Variants in WRN observed in about 807,000 individuals in gnomAD.
The protein encoded by WRN is WRN RecQ like helicase, also known as bifunctional 3'-5' exonuclease/ATP-dependent helicase WRN.
Under a neutral mutation model 180.7 loss-of-function variants are expected in WRN, and 149 were observed. The ratio of observed to expected loss-of-function variants is 0.82; its 90% CI spans 0.72 to 0.94. The LOEUF is 0.94. Ranked by LOEUF, WRN falls within the 40% of genes least tolerant of loss-of-function variation. WRN has a pLI of 0.00. For synonymous variants in WRN, 548 were observed against 568.9 expected (o/e 0.96, Z 0.52); for missense variants, 1,661 against 1,700.1 (o/e 0.98, Z 0.40).
intron 19 of WRN, among the ~76,000 whole-genome samples, chr8:31,115,495 A>G (rs1479226248): frequency 6.6e-6 from 1 of 152,216 alleles, no homozygotes; most frequent in Non-Finnish European, 1.5e-5. Flanking sequence ...ACTTTTTACT[A>G]TTATAATGTT....
Position 31,118,262 on chromosome 8 carries a change from T to C in WRN, c.2448+1734T>C, listed in dbSNP as rs184689786. On this transcript the variant is annotated intron_variant, in intron 20 of 34. Coordinates refer to ENST00000298139, the MANE Select transcript of WRN (RefSeq NM_000553.6). ...TATATGCATGTATGTGTTGCGGTAT[T>C]CTCCCTTGCTGTGGCAGGATGTCAC... Among the ~76,000 whole-genome samples the C allele has an allele frequency of 4.9e-3, 744 of 152,210 alleles. 9 individuals carry two copies. The highest frequency in any genetic ancestry group is 2.4e-3 in the Non-Finnish European group (165 of 67,974).
rs2130118753 is a variant in WRN, at chr8:31,081,023, A to G, written c.996A>G (p.Gln332=). ...CTACTGGGGGAGTACAACAGAAACA[A>G]ATTAGAGAACATGAAGTTTTAATTC... ...DSTTGGVQQK[Q]IREHEVLIHV... The change falls in exon 9 of 35, where the codon CAA becomes CAG. Residue 332 remains glutamine, a synonymous_variant. Coordinates refer to ENST00000298139, the MANE Select transcript of WRN (RefSeq NM_000553.6). 2 of 1,614,072 alleles carry G rather than the reference A, an allele frequency of 1.2e-6. No individual in the cohort carries two copies. The highest frequency in any genetic ancestry group is 2.2e-5 in the East Asian group (1 of 44,832).
chr8:31,076,356 A>G (rs1210484065), intron 8 of WRN, 69 bp downstream of exon 8: 6 of 1,304,578 alleles, frequency 4.6e-6, no homozygotes, highest in Admixed American at 3.8e-5. Context: ...ATTTTCCTAT[A>G]TGTGAAGAAT....
At chr8:31,155,561 G>A (rs910037072) in intron 32 of WRN, among the ~76,000 whole-genome samples, 4 of 149,944 alleles carry the variant, frequency 2.7e-5, no homozygotes, top group Admixed American at 6.7e-5. Flanking sequence ...GGCAGAGGTT[G>A]CAGTGAGCTG....
Position 31,111,749 on chromosome 8 carries a change from A to G in WRN, c.2223A>G (p.Arg741=), listed in dbSNP as rs1382655770. The G allele has an allele frequency of 2.5e-6, 4 of 1,613,998 alleles. No homozygotes were observed. The highest frequency in any genetic ancestry group is 2.7e-5 in the African/African-American group (2 of 74,924). ...DRPNLYLEVR[R]KTGNILQDLQ... ...CAAACCTGTATTTAGAAGTTAGGCGAAAAACAGGGAATATCCTTCAGGATC... is the reference window on the plus strand; with the variant it reads ...CAAACCTGTATTTAGAAGTTAGGCGGAAAACAGGGAATATCCTTCAGGATC... Residue 741 remains arginine, a synonymous_variant, in exon 19 of 35, where the codon CGA becomes CGG. Transcript: ENST00000298139.
intron 34 of WRN, among the ~76,000 whole-genome samples, chr8:31,171,989 G>A (rs1435761649): frequency 6.6e-6 from 1 of 152,108 alleles, no homozygotes; most frequent in Admixed American, 6.5e-5. Flanking sequence ...GTGTACTCAT[G>A]ATGGAATGAT....
chr8:31,141,381 A>G lies in WRN; in HGVS notation c.2968-49A>G, dbSNP rs3087427. On this transcript the variant is annotated intron_variant, in intron 24 of 34. Coordinates refer to ENST00000298139, the MANE Select transcript of WRN (RefSeq NM_000553.6). ...GACAAGTCTGTGTTTTACTTAACCT[A>G]TATGTTTAAATTAGCATTTTTAGAT... The G allele has an allele frequency of 4.5e-4, 730 of 1,605,448 alleles. 3 individuals carry two copies. In the African/African-American group the frequency reaches 8.3e-3, roughly 18 times the overall value.
chr8:31,173,156 A>G lies in WRN; in HGVS notation c.*54A>G. 21 of 1,511,492 alleles carry G rather than the reference A, an allele frequency of 1.4e-5. 1 individual carries two copies. In the South Asian group the frequency reaches 2.4e-4, roughly 17 times the overall value. The allele number at this position is 1,511,492 out of a possible 1,614,324, so 93.6% of individuals were successfully genotyped here. A position where few individuals can be genotyped will look rare whatever the true frequency, so the allele number is the denominator to read the frequency against. On this transcript the variant is annotated 3_prime_UTR_variant, in exon 35 of 35. Coordinates refer to ENST00000298139, the MANE Select transcript of WRN (RefSeq NM_000553.6). ...CTTGCTGTATTATAAGAGGATAGCT[A>G]TATTTTATTTCTGAAGAGTAAGGAG...
chr8:31,077,021 CA>C (rs1432807924), intron 8 of WRN, among the ~76,000 whole-genome samples: 2 of 151,818 alleles, frequency 1.3e-5, no homozygotes, highest in Non-Finnish European at 2.9e-5. Flanking sequence ...AATTTTGGGC[CA>C]AAAAATACTT....
rs11574319 is a variant in WRN, at chr8:31,123,790, C to G, written c.2631-732C>G. Reference sequence around the variant, plus strand: ...GCAAAGCTATTTGGGAGATTGTCATCATCTGATATTTGATATTCATGGGCT... The same window carrying G: ...GCAAAGCTATTTGGGAGATTGTCATGATCTGATATTTGATATTCATGGGCT... On this transcript the variant is annotated intron_variant, in intron 21 of 34. Transcript: ENST00000298139. Among the ~76,000 whole-genome samples the G allele has an allele frequency of 2.3e-3, 355 of 152,160 alleles. 3 individuals carry two copies. The highest frequency in any genetic ancestry group is 3.6e-3 in the Non-Finnish European group (243 of 67,968).
chr8:31,080,748 T>C (rs1210231772), intron 8 of WRN, 119 bp from the exon 9 acceptor site: 2 of 817,244 alleles, frequency 2.4e-6, no homozygotes, highest in African/African-American at 1.7e-5. Flanking sequence ...GCCTTAATAC[T>C]ATTGATCTTT....
rs954022892 is a variant in WRN, at chr8:31,059,158, T to C, written c.102T>C (p.Cys34=). Residue 34 remains cysteine (C), a synonymous_variant, in exon 3 of 35, where the codon TGT becomes TGC. Coordinates refer to ENST00000298139, the MANE Select transcript of WRN (RefSeq NM_000553.6). ...TGAAATTTACTAAACTCAAGGCATG[T>C]GTTCGGAAGAGTGTTTTTGAAGATG... ...KRCAVEERKA[C]VRKSVFEDDL... 6.2e-7 allele frequency: 1 copy of C among 1,613,164 alleles called. No individual in the cohort carries two copies. Among genetic ancestry groups the C allele is most frequent in the Non-Finnish European group, 8.5e-7 (1 of 1,179,212 alleles).
chr8:31,136,881 C>A (rs571728362), intron 24 of WRN, among the ~76,000 whole-genome samples: 11 of 150,046 alleles, frequency 7.3e-5, no homozygotes, highest in Admixed American at 2.0e-4. Context: ...ATGCCCAAAT[C>A]CGTAAGCTAT....
rs1213882065 is a variant in WRN, at chr8:31,160,874, C to T, written c.3982+3344C>T. 2.0e-5 allele frequency among the ~76,000 whole-genome samples: 3 copies of T among 151,994 alleles called. No individual in the cohort carries two copies. In the East Asian group the frequency reaches 5.8e-4, roughly 29 times the overall value. ...TGGCACACACCTGTAATCCCAGCTA[C>T]TTGGGAGGCTGAGGCAGGAGAATTG... On this transcript the variant is annotated intron_variant, in intron 33 of 34. Transcript: ENST00000298139.
Position 31,173,086 on chromosome 8 carries a change from GAGGTCTTTT to G in WRN, c.4284_4292del (p.Gly1429_Phe1431del). 6.2e-7 allele frequency: 1 copy of G among 1,613,914 alleles called. No homozygotes were observed. The highest frequency in any genetic ancestry group is 8.5e-7 in the Non-Finnish European group (1 of 1,179,886). ...AAATTAATGGACAAAACGAAAAGGGGAGGTCTTTTTAGTTAAGCTGGCAATTACCAGAAC... is the reference window on the plus strand; with the variant it reads ...AAATTAATGGACAAAACGAAAAGGGGTAGTTAAGCTGGCAATTACCAGAAC... On this transcript the variant is annotated inframe_deletion, in exon 35 of 35. Coordinates refer to ENST00000298139, the MANE Select transcript of WRN (RefSeq NM_000553.6).
At chr8:31,038,959 C>G (rs936456960) in intron 1 of WRN, among the ~76,000 whole-genome samples, 10 of 152,164 alleles carry the variant, frequency 6.6e-5, no homozygotes, top group African/African-American at 2.2e-4. Flanking sequence ...GCCTGTACCA[C>G]ACTGTTTTGA....
chr8:31,139,985 A>C (rs1802545400), intron 24 of WRN, among the ~76,000 whole-genome samples: 1 of 113,094 alleles, frequency 8.8e-6, no homozygotes, highest in African/African-American at 3.3e-5. Flanking sequence ...ATAAAGCTCT[A>C]TGTTTGTATA....
At chr8:31,078,019 A>G (rs986913769) in intron 8 of WRN, among the ~76,000 whole-genome samples, 1 of 152,204 alleles carries the variant, frequency 6.6e-6, no homozygotes, top group Non-Finnish European at 1.5e-5. Context: ...TATCTATTAG[A>G]TAAAACAGGT....
At chr8:31,049,974 G>A (rs1445114494) in intron 1 of WRN, among the ~76,000 whole-genome samples, 1 of 151,512 alleles carries the variant, frequency 6.6e-6, no homozygotes, top group Non-Finnish European at 1.5e-5. Flanking sequence ...TATAATAATG[G>A]GAATATAATC....
Sources: allele counts gnomAD v4.1 joint callset (sites outside exome capture counted in the v4.1 genomes callset), GRCh38; gene constraint gnomAD v4.1.1; transcripts MANE v1.5; gene names NCBI Gene and HGNC (gene_info 2026-07-23, HGNC 2026-07-21).